Variants in SGCD observed in about 807,000 individuals in gnomAD.
The protein encoded by SGCD is delta-sarcoglycan.
Under a neutral mutation model 36.6 loss-of-function variants are expected in SGCD, and 18 were observed. That is an observed-to-expected ratio of 0.49 (90% confidence interval 0.34 to 0.73). The LOEUF is 0.73. Among genes scored for constraint, SGCD ranks in the 30% least tolerant of loss-of-function variants. The pLI is 0.01. For missense variants in SGCD, 387 were observed against 346.7 expected (o/e 1.12, Z -0.92); for synonymous variants, 133 against 130.6 (o/e 1.02, Z -0.12).
intron 7 of SGCD, among the ~76,000 whole-genome samples, chr5:156,747,360 G>A (rs1416106494): frequency 2.0e-5 from 3 of 152,144 alleles, no homozygotes; most frequent in African/African-American, 7.2e-5. Context: ...TGTAGGTCAG[G>A]AATCAGGTGC....
chr5:156,559,628 A>G (rs955962528), intron 4 of SGCD, among the ~76,000 whole-genome samples: 1 of 152,288 alleles, frequency 6.6e-6, no homozygotes, highest in East Asian at 1.9e-4. Flanking sequence ...CAGCTTCCTC[A>G]TCTGTAAAAT....
chr5:156,127,614 C>T (rs1762205845), intron 3 of SGCD, among the ~76,000 whole-genome samples: 1 of 151,616 alleles, frequency 6.6e-6, no homozygotes, highest in Non-Finnish European at 1.5e-5. Flanking sequence ...GAGACTCTGT[C>T]CCTATAAAAA....
At chr5:156,711,170 A>C (rs192726459) in intron 7 of SGCD, among the ~76,000 whole-genome samples, 1 of 152,238 alleles carries the variant, frequency 6.6e-6, no homozygotes, top group Admixed American at 6.5e-5. Context: ...CCAGTGTTTC[A>C]GGGTTTTTTG....
At chr5:156,044,487 G>A (rs1759714862) in intron 1 of SGCD, among the ~76,000 whole-genome samples, 1 of 152,120 alleles carries the variant, frequency 6.6e-6, no homozygotes, top group Admixed American at 6.6e-5. Flanking sequence ...TAAATGAATG[G>A]AATCTTGCCA....
the SGCD span, among the ~76,000 whole-genome samples, chr5:155,734,127 T>C: frequency 1.4e-5 from 2 of 147,594 alleles, no homozygotes; most frequent in South Asian, 4.2e-4. Context: ...ATATTGTTAC[T>C]GATATTAATT....
At chr5:156,088,734 G>A (rs1353918872) in intron 1 of SGCD, among the ~76,000 whole-genome samples, 9 of 152,084 alleles carry the variant, frequency 5.9e-5, no homozygotes, top group Admixed American at 5.9e-4. Flanking sequence ...TGCCCAGCCT[G>A]CAAGTGTTTC....
At chr5:156,058,583 G>A (rs959282559) in intron 1 of SGCD, among the ~76,000 whole-genome samples, 10 of 145,470 alleles carry the variant, frequency 6.9e-5, no homozygotes, top group African/African-American at 2.0e-4. Flanking sequence ...ATAGCAATGC[G>A]TGGGCCTAAA....
At chr5:155,957,672 A>G (rs1484222383) in intron 1 of SGCD, among the ~76,000 whole-genome samples, 1 of 152,104 alleles carries the variant, frequency 6.6e-6, no homozygotes, top group East Asian at 1.9e-4. Context: ...CCCTTCTGCC[A>G]CCATCTTGCA....
chr5:156,627,672 G>A (rs192026463), intron 6 of SGCD, among the ~76,000 whole-genome samples: 24 of 152,176 alleles, frequency 1.6e-4, no homozygotes, highest in African/African-American at 5.5e-4. Context: ...CAGTTAAAAG[G>A]CTCTACATTC....
chr5:155,990,973 CA>C (rs1758420743), intron 1 of SGCD, among the ~76,000 whole-genome samples: 1 of 152,100 alleles, frequency 6.6e-6, no homozygotes, highest in African/African-American at 2.4e-5. Flanking sequence ...CTCTCAGTGT[CA>C]CCTGGAAGGT....
At chr5:156,094,821 C>T (rs1813076) in intron 1 of SGCD, among the ~76,000 whole-genome samples, 72,535 of 151,620 alleles carry the variant, frequency 0.48, 19,249 homozygotes, top group African/African-American at 0.73. Context: ...GCCAACATGG[C>T]GAAACCCCAT....
chr5:156,534,124 T>A (rs1310126932), intron 4 of SGCD, among the ~76,000 whole-genome samples: 1 of 152,144 alleles, frequency 6.6e-6, no homozygotes, highest in Non-Finnish European at 1.5e-5. Context: ...TTTGTATGAA[T>A]TTTAATTAAA....
intron 7 of SGCD, among the ~76,000 whole-genome samples, chr5:156,689,143 T>C (rs1754018277): frequency 6.6e-6 from 1 of 152,224 alleles, no homozygotes; most frequent in East Asian, 1.9e-4. Context: ...GTTAATTTCT[T>C]AGTTTTGACA....
chr5:156,547,253 T>C (rs1045767756), intron 4 of SGCD, among the ~76,000 whole-genome samples: 2 of 152,124 alleles, frequency 1.3e-5, no homozygotes, highest in Non-Finnish European at 2.9e-5. Context: ...ATTCATAGCC[T>C]GTTACCCACT....
At chr5:156,144,364 A>T (rs2127611869) in intron 3 of SGCD, among the ~76,000 whole-genome samples, 1 of 152,212 alleles carries the variant, frequency 6.6e-6, no homozygotes, top group South Asian at 2.1e-4. Flanking sequence ...ACAGTGTAAA[A>T]GTGTTCCTAT....
At chr5:156,613,743 G>A (rs995158249) in intron 6 of SGCD, among the ~76,000 whole-genome samples, 1 of 152,182 alleles carries the variant, frequency 6.6e-6, no homozygotes, top group Non-Finnish European at 1.5e-5. Flanking sequence ...ACTGACCCAA[G>A]ACAATGATAG....
chr5:156,454,711 G>C (rs1306443917), intron 3 of SGCD, among the ~76,000 whole-genome samples: 1 of 152,196 alleles, frequency 6.6e-6, no homozygotes, highest in Non-Finnish European at 1.5e-5. Flanking sequence ...CAAGAGTGGT[G>C]ATGATCCTGG....
At chr5:156,133,334 A>AT (rs1269547209) in intron 3 of SGCD, among the ~76,000 whole-genome samples, 3 of 152,218 alleles carry the variant, frequency 2.0e-5, no homozygotes, top group Non-Finnish European at 2.9e-5. Context: ...ACTCTCTTCA[A>AT]TGAGACCTTG....
At chr5:156,261,338 T>C (rs1765856803) in intron 3 of SGCD, among the ~76,000 whole-genome samples, 1 of 152,194 alleles carries the variant, frequency 6.6e-6, no homozygotes, top group Non-Finnish European at 1.5e-5. Context: ...TTGGTTCTTT[T>C]ATTATTATTT....
Sources: allele counts gnomAD v4.1 joint callset (sites outside exome capture counted in the v4.1 genomes callset), GRCh38; gene constraint gnomAD v4.1.1; transcripts MANE v1.5; gene names NCBI Gene and HGNC (gene_info 2026-07-23, HGNC 2026-07-21).